LDLRAD3: variants seen among roughly 807,000 people sequenced by gnomAD.
The protein encoded by LDLRAD3 is low density lipoprotein receptor class A domain containing 3.
In LDLRAD3, 20 loss-of-function variants were observed where a neutral mutation model predicts 29.4. The ratio of observed to expected loss-of-function variants is 0.68; its 90% CI spans 0.48 to 0.99. LDLRAD3 has a LOEUF of 0.99. Among genes scored for constraint, LDLRAD3 ranks in the 50% least tolerant of loss-of-function variants. The pLI, the probability that LDLRAD3 is intolerant of heterozygous loss-of-function variation, is 0.00. For synonymous variants in LDLRAD3, 157 were observed against 192.7 expected (o/e 0.81, Z 1.53); for missense variants, 420 against 454.3 (o/e 0.92, Z 0.69).
chr11:36,225,048 A>G (rs967632819), intron 4 of LDLRAD3, among the ~76,000 whole-genome samples: 1 of 151,902 alleles, frequency 6.6e-6, no homozygotes, highest in Non-Finnish European at 1.5e-5. Context: ...GCACCATCCT[A>G]CTCTCTGGGG....
At chr11:36,011,070 G>A in intron 1 of LDLRAD3, among the ~76,000 whole-genome samples, 1 of 152,186 alleles carries the variant, frequency 6.6e-6, no homozygotes, top group Non-Finnish European at 1.5e-5. Flanking sequence ...CTCCCAAAGT[G>A]CTGCAATTAC....
intron 1 of LDLRAD3, among the ~76,000 whole-genome samples, chr11:35,955,033 C>T (rs1199171691): frequency 1.3e-5 from 2 of 152,174 alleles, no homozygotes. Flanking sequence ...TAACTTGAGG[C>T]CAGGACTTCG....
chr11:35,959,573 A>G lies in LDLRAD3; in HGVS notation c.46+15429A>G, dbSNP rs28634034. ...TATAACAAACAGTAGTGTACCTATC[A>G]TATAGATTTATCAGATTTTTAATAT... On this transcript the variant is annotated intron_variant, in intron 1 of 5. Coordinates refer to ENST00000315571, the MANE Select transcript of LDLRAD3 (RefSeq NM_174902.4). Among the ~76,000 whole-genome samples the G allele has an allele frequency of 8.9e-3, 1,356 of 152,324 alleles. 22 individuals are homozygous for G. Among genetic ancestry groups the G allele is most frequent in the Middle Eastern group, 0.048 (14 of 294 alleles).
At chr11:36,161,575 GGGAT>G (rs145773800) in intron 4 of LDLRAD3, among the ~76,000 whole-genome samples, 9 of 151,440 alleles carry the variant, frequency 5.9e-5, no homozygotes, top group South Asian at 2.1e-4. Context: ...GATTCATTTT[GGGAT>G]GGATGGATGG....
rs188740146 is a variant in LDLRAD3 at position 36,108,123 on chromosome 11, C to T, written c.454+9662C>T. On this transcript the variant is annotated intron_variant, in intron 4 of 5. Transcript: ENST00000315571. Reference sequence around the variant, plus strand: ...CAGGAGATCAAGATCGAGACCATCCCGGCTAACACAGTGAAACCCCGTCTC... The same window carrying T: ...CAGGAGATCAAGATCGAGACCATCCTGGCTAACACAGTGAAACCCCGTCTC... Among the ~76,000 whole-genome samples, 204 of 151,650 alleles carry T rather than the reference C, an allele frequency of 1.3e-3. No individual in the cohort carries two copies. In the Middle Eastern group the frequency reaches 0.014, roughly 10 times the overall value.
chr11:36,137,021 C>T (rs1854014359), intron 4 of LDLRAD3, among the ~76,000 whole-genome samples: 1 of 152,108 alleles, frequency 6.6e-6, no homozygotes. Flanking sequence ...TACCCAGACT[C>T]AGGTATTTCT....
At chr11:35,984,114 T>C (rs1851578734) in intron 1 of LDLRAD3, among the ~76,000 whole-genome samples, 1 of 152,214 alleles carries the variant, frequency 6.6e-6, no homozygotes, top group Non-Finnish European at 1.5e-5. Context: ...CATGACATAC[T>C]GATTTACCTA....
At chr11:36,151,295 A>C (rs534450059) in intron 4 of LDLRAD3, among the ~76,000 whole-genome samples, 1 of 152,216 alleles carries the variant, frequency 6.6e-6, no homozygotes, top group East Asian at 1.9e-4. Context: ...CTTACTACAC[A>C]ATACACAGTA....
intron 4 of LDLRAD3, among the ~76,000 whole-genome samples, chr11:36,215,588 A>G (rs1855341775): frequency 6.6e-6 from 1 of 152,148 alleles, no homozygotes; most frequent in African/African-American, 2.4e-5. Flanking sequence ...ACTGGAGCCC[A>G]AGAGCCCAGT....
chr11:36,127,924 C>T (rs1853861368), intron 4 of LDLRAD3, among the ~76,000 whole-genome samples: 1 of 151,626 alleles, frequency 6.6e-6, no homozygotes, highest in Admixed American at 6.6e-5. Flanking sequence ...CAAAGGTCCA[C>T]CAGTTGAGGT....
intron 1 of LDLRAD3, among the ~76,000 whole-genome samples, chr11:35,969,128 T>C (rs1851380727): frequency 6.6e-6 from 1 of 152,094 alleles, no homozygotes; most frequent in Non-Finnish European, 1.5e-5. Context: ...AAATCCCTAA[T>C]ATTCCAGATG....
intron 4 of LDLRAD3, among the ~76,000 whole-genome samples, chr11:36,134,926 A>G (rs1853982332): frequency 6.6e-6 from 1 of 151,974 alleles, no homozygotes; most frequent in East Asian, 1.9e-4. Context: ...AACACTAATG[A>G]CTTCTTCCAG....
intron 3 of LDLRAD3, among the ~76,000 whole-genome samples, chr11:36,096,993 G>A (rs1853370537): frequency 6.6e-6 from 1 of 152,244 alleles, no homozygotes; most frequent in African/African-American, 2.4e-5. Context: ...GAATCACACT[G>A]CAGGTAAATT....
chr11:36,133,706 T>G (rs1853963671), intron 4 of LDLRAD3, among the ~76,000 whole-genome samples: 1 of 151,172 alleles, frequency 6.6e-6, no homozygotes, highest in Non-Finnish European at 1.5e-5. Flanking sequence ...GCTAATTTTG[T>G]TTTTGTATTT....
intron 2 of LDLRAD3, among the ~76,000 whole-genome samples, chr11:36,048,376 A>G (rs1171309298): frequency 6.6e-6 from 1 of 152,110 alleles, no homozygotes; most frequent in Non-Finnish European, 1.5e-5. Flanking sequence ...TCGAGTTCCC[A>G]TTGACACCCC....
chr11:36,036,000 C>A, intron 1 of LDLRAD3, 103 bp from the exon 2 acceptor site: 1 of 1,148,446 alleles, frequency 8.7e-7, no homozygotes, highest in Non-Finnish European at 1.2e-6. Flanking sequence ...GTTGAGTCAT[C>A]TACCAGAAGT....
At chr11:36,202,959 CAG>C (rs1855149180) in intron 4 of LDLRAD3, among the ~76,000 whole-genome samples, 1 of 152,138 alleles carries the variant, frequency 6.6e-6, no homozygotes, top group Admixed American at 6.5e-5. Context: ...TCTTAAGAGA[CAG>C]AGTCTTGCTC....
intron 1 of LDLRAD3, chr11:35,967,023 T>C (rs1355301410): frequency 2.6e-5 from 5 of 192,084 alleles, no homozygotes; most frequent in Non-Finnish European, 5.9e-5. Context: ...CAGAGGCTCA[T>C]GCTGTCCTGA....
At chr11:36,003,746 C>T (rs262417) in intron 1 of LDLRAD3, among the ~76,000 whole-genome samples, 6 of 152,056 alleles carry the variant, frequency 3.9e-5, no homozygotes, top group Non-Finnish European at 7.3e-5. Flanking sequence ...ACCACCTGAG[C>T]CTGGGTAATT....
Sources: allele counts gnomAD v4.1 joint callset (sites outside exome capture counted in the v4.1 genomes callset), GRCh38; gene constraint gnomAD v4.1.1; transcripts MANE v1.5; gene names NCBI Gene and HGNC (gene_info 2026-07-23, HGNC 2026-07-21).